The following CNGA1 variants were observed in gnomAD, a reference collection of about 807,000 sequenced individuals.
CNGA1 encodes cyclic nucleotide gated channel subunit alpha 1.
In CNGA1, 53 loss-of-function variants were observed where a neutral mutation model predicts 69.7. The observed-to-expected ratio is 0.76, with a 90% CI of 0.61 to 0.96. The LOEUF (loss-of-function observed/expected upper bound fraction) is 0.96. Ranked by LOEUF, CNGA1 falls within the 40% of genes least tolerant of loss-of-function variation. The pLI is 0.00. For missense variants in CNGA1, 739 were observed against 811.2 expected (o/e 0.91, Z 1.08); for synonymous variants, 249 against 283.5 (o/e 0.88, Z 1.22).
chr4:47,939,974 C>T lies in CNGA1; in HGVS notation c.652+789G>A, dbSNP rs186099317. 1.1e-3 allele frequency among the ~76,000 whole-genome samples: 171 copies of T among 152,278 alleles called. 2 individuals carry two copies. The highest frequency in any genetic ancestry group is 3.1e-4 in the Non-Finnish European group (21 of 68,018). On this transcript the variant is annotated intron_variant, in intron 10 of 10. Coordinates refer to ENST00000514170, the MANE Select transcript of CNGA1 (RefSeq NM_001379270.1). ...CCCTTCGATGTGAAGCATAAGTGTCCTTTGAGGCTGCATTTTCATCTCTCA... is the reference window on the plus strand; with the variant it reads ...CCCTTCGATGTGAAGCATAAGTGTCTTTTGAGGCTGCATTTTCATCTCTCA...
At chr4:47,995,537 C>T (rs1207139728) in intron 2 of CNGA1, among the ~76,000 whole-genome samples, 1 of 140,008 alleles carries the variant, frequency 7.1e-6, no homozygotes, top group Non-Finnish European at 1.5e-5. Context: ...CATTATTTCT[C>T]CCTTCACTTC....
At chr4:48,000,306 C>T (rs1223851851) in intron 2 of CNGA1, among the ~76,000 whole-genome samples, 2 of 151,566 alleles carry the variant, frequency 1.3e-5, no homozygotes, top group Non-Finnish European at 2.9e-5. Flanking sequence ...TTTCAATGAA[C>T]CCCAAGCAGA....
Position 47,937,663 on chromosome 4 carries a change from C to A in CNGA1, c.819G>T (p.Arg273=). 6.2e-7 allele frequency: 1 copy of A among 1,614,098 alleles called. No homozygotes were observed. Among genetic ancestry groups the A allele is most frequent in the Non-Finnish European group, 8.5e-7 (1 of 1,180,022 alleles). ...GGAAGAACTCAAACATACGAGAGAACCGTAACAACCTGTTTAATCTAATTT... is the reference window on the plus strand; with the variant it reads ...GGAAGAACTCAAACATACGAGAGAAACGTAACAACCTGTTTAATCTAATTT... ...YPEIRLNRLL[R]FSRMFEFFQR... is the part of the protein sequence containing the mutation. The change falls in exon 11 of 11, where the codon CGG becomes CGT. Residue 273 remains arginine, a synonymous_variant. Coordinates refer to ENST00000514170, the MANE Select transcript of CNGA1 (RefSeq NM_001379270.1).
chr4:47,950,100 AT>A (rs374330657), intron 5 of CNGA1, among the ~76,000 whole-genome samples: 3 of 152,352 alleles, frequency 2.0e-5, no homozygotes, highest in East Asian at 1.9e-4. Context: ...GACTTGCCAA[AT>A]GCCAGTGTCT....
At chr4:48,004,667 GAACA>G (rs1243222136) in intron 2 of CNGA1, among the ~76,000 whole-genome samples, 1 of 152,070 alleles carries the variant, frequency 6.6e-6, no homozygotes, top group Non-Finnish European at 1.5e-5. Context: ...AGAAAAACAA[GAACA>G]AACAAAGGAA....
intron 2 of CNGA1, among the ~76,000 whole-genome samples, chr4:48,004,838 T>C (rs1016874737): frequency 1.3e-5 from 2 of 150,722 alleles, no homozygotes; most frequent in Admixed American, 1.3e-4. Context: ...ATGCACAGCT[T>C]AGTTTTCAGT....
chr4:47,970,476 C>T (rs1010741249), intron 3 of CNGA1, among the ~76,000 whole-genome samples: 1 of 151,630 alleles, frequency 6.6e-6, no homozygotes. Context: ...CATGGTGAAA[C>T]CCCATCTCTA....
intron 1 of CNGA1, chr4:48,013,075 C>T (rs1412084987): frequency 6.6e-6 from 1 of 152,164 alleles, no homozygotes. Flanking sequence ...AGTTGTACAG[C>T]AAAATAAACT....
At chr4:47,979,479 A>G (rs1479400969) in intron 3 of CNGA1, among the ~76,000 whole-genome samples, 1 of 152,220 alleles carries the variant, frequency 6.6e-6, no homozygotes, top group Non-Finnish European at 1.5e-5. Flanking sequence ...CAGATACCAC[A>G]TACTATCACC....
In CNGA1 at chr4:47,976,979, T is replaced by C. The variant is rs116316134; in HGVS notation, c.-15+4414A>G. Among the ~76,000 whole-genome samples the C allele has an allele frequency of 2.3e-3, 351 of 152,298 alleles. 1 individual carries two copies. The highest frequency in any genetic ancestry group is 8.0e-3 in the African/African-American group (331 of 41,570). On this transcript the variant is annotated intron_variant, in intron 3 of 10. Coordinates refer to ENST00000514170, the MANE Select transcript of CNGA1 (RefSeq NM_001379270.1). Reference sequence around the variant, plus strand: ...GCTTCCCAAAGCAGGGGATATGTAATTGGATCTTGAAAGATGAATAGGAGT... The same window carrying C: ...GCTTCCCAAAGCAGGGGATATGTAACTGGATCTTGAAAGATGAATAGGAGT...
intron 3 of CNGA1, among the ~76,000 whole-genome samples, chr4:47,977,488 C>T (rs556927124): frequency 6.6e-6 from 1 of 152,288 alleles, no homozygotes; most frequent in South Asian, 2.1e-4. Flanking sequence ...CAGACTAATA[C>T]AGCTGGAATT....
At position 47,937,655 on chromosome 4, in the gene CNGA1, C is replaced by T. The variant is rs375412499; in HGVS notation, c.827G>A (p.Arg276His). 1.5e-5 allele frequency: 24 copies of T among 1,613,974 alleles called. No homozygotes were observed. The East Asian group carries it at 1.6e-4, about 10-fold the overall frequency. Reference protein sequence around the residue: ...IRLNRLLRFSRMFEFFQRTET... With the variant: ...IRLNRLLRFSHMFEFFQRTET... ...TGTTCTCTGGAAGAACTCAAACATA[C>T]GAGAGAACCGTAACAACCTGTTTAA... Residue 276 changes from arginine to histidine, a missense_variant, in exon 11 of 11, where the codon CGT (arginine) becomes CAT (histidine). Transcript: ENST00000514170.
intron 3 of CNGA1, among the ~76,000 whole-genome samples, chr4:47,970,495 A>AG (rs1457669868): frequency 6.6e-6 from 1 of 152,040 alleles, no homozygotes. Flanking sequence ...TACTAAAAAA[A>AG]TAAAAAATTA....
chr4:47,937,858 G>T (rs1486718867), intron 10 of CNGA1, 29 bp from the exon 11 acceptor site: 1 of 1,538,914 alleles, frequency 6.5e-7, no homozygotes, highest in Admixed American at 1.7e-5. Flanking sequence ...TCAATTCAGT[G>T]TTTCTCCTTT....
intron 1 of CNGA1, among the ~76,000 whole-genome samples, chr4:48,015,349 G>T (rs1002795458): frequency 9.2e-5 from 14 of 152,096 alleles, no homozygotes; most frequent in African/African-American, 2.4e-4. Flanking sequence ...ATAAAAGTGG[G>T]TGCCTTGGAC....
At chr4:48,001,731 A>G in intron 2 of CNGA1, among the ~76,000 whole-genome samples, 1 of 152,210 alleles carries the variant, frequency 6.6e-6, no homozygotes, top group African/African-American at 2.4e-5. Context: ...ACTGCAGAAT[A>G]CACATTCTTT....
At chr4:48,008,347 T>G (rs1415481442) in intron 2 of CNGA1, among the ~76,000 whole-genome samples, 1 of 152,214 alleles carries the variant, frequency 6.6e-6, no homozygotes, top group Non-Finnish European at 1.5e-5. Flanking sequence ...TATTTCTCTT[T>G]AAGCTTTCTT....
chr4:47,987,488 T>C (rs1742025392), intron 2 of CNGA1, among the ~76,000 whole-genome samples: 3 of 152,194 alleles, frequency 2.0e-5, no homozygotes, highest in Non-Finnish European at 4.4e-5. Flanking sequence ...TGCCCATTAC[T>C]TGTCCATTAC....
chr4:47,997,344 A>C (rs1034841796), intron 2 of CNGA1, among the ~76,000 whole-genome samples: 24 of 152,182 alleles, frequency 1.6e-4, no homozygotes, highest in African/African-American at 5.3e-4. Context: ...TACATTACTA[A>C]ATATTTAAAA....
Sources: gnomAD v4.1 joint callset for allele counts (sites outside exome capture counted in the v4.1 genomes callset) on GRCh38, gnomAD v4.1.1 for gene constraint, MANE v1.5 for transcripts, NCBI Gene and HGNC (gene_info 2026-07-23, HGNC 2026-07-21) for gene names.